The following GAS2 variants were observed in gnomAD, a reference collection of about 807,000 sequenced individuals.
The protein encoded by GAS2 is growth arrest-specific protein 2.
GAS2 carries 20 observed loss-of-function variants against 37.5 expected under a neutral mutation model. The ratio of observed to expected loss-of-function variants is 0.53; its 90% CI spans 0.37 to 0.77. The LOEUF is 0.77. Ranked by LOEUF, GAS2 falls within the 30% of genes least tolerant of loss-of-function variation. The probability of loss-of-function intolerance (pLI) is 0.00; values close to 1 mark genes in which losing one functional copy is unlikely to be tolerated. For synonymous variants in GAS2, 144 were observed against 132.2 expected (o/e 1.09, Z -0.61); for missense variants, 336 against 373.4 (o/e 0.90, Z 0.82).
At chr11:22,640,206 T>A (rs1858892510) in intron 1 of GAS2, among the ~76,000 whole-genome samples, 1 of 152,134 alleles carries the variant, frequency 6.6e-6, no homozygotes, top group African/African-American at 2.4e-5. Flanking sequence ...GAGATGTGTC[T>A]TTTTAGTTGC....
intron 7 of GAS2, among the ~76,000 whole-genome samples, chr11:22,772,291 A>G (rs1376005905): frequency 6.6e-6 from 1 of 152,090 alleles, no homozygotes; most frequent in East Asian, 1.9e-4. Context: ...TTCCCCTTTC[A>G]CTATCCAGGT....
At chr11:22,788,737 A>G (rs1402809080) in intron 7 of GAS2, among the ~76,000 whole-genome samples, 1 of 152,166 alleles carries the variant, frequency 6.6e-6, no homozygotes, top group Non-Finnish European at 1.5e-5. Context: ...ACATCGTATA[A>G]TAGTCAGTAG....
chr11:22,725,878 A>G (rs1852181717), intron 3 of GAS2, among the ~76,000 whole-genome samples: 2 of 152,150 alleles, frequency 1.3e-5, no homozygotes, highest in Admixed American at 1.3e-4. Context: ...GCAGGTGTAT[A>G]TATGTTATAT....
At chr11:22,649,652 G>A (rs185221933) in intron 1 of GAS2, among the ~76,000 whole-genome samples, 51 of 152,266 alleles carry the variant, frequency 3.3e-4, no homozygotes, top group Admixed American at 8.5e-4. Context: ...TTGGGAGAGC[G>A]TATGTGTCGA....
intron 3 of GAS2, among the ~76,000 whole-genome samples, chr11:22,711,456 G>A (rs776573907): frequency 2.0e-5 from 3 of 152,146 alleles, no homozygotes; most frequent in Non-Finnish European, 4.4e-5. Context: ...TAATAATTTC[G>A]ACTGAGCACA....
chr11:22,798,031 G>C (rs1856509181), intron 7 of GAS2, among the ~76,000 whole-genome samples: 3 of 152,054 alleles, frequency 2.0e-5, no homozygotes, highest in Non-Finnish European at 4.4e-5. Flanking sequence ...GTGGTAATGA[G>C]TATTATCTGA....
chr11:22,691,679 T>A (rs1426405307), intron 3 of GAS2, among the ~76,000 whole-genome samples: 1 of 152,196 alleles, frequency 6.6e-6, no homozygotes, highest in Non-Finnish European at 1.5e-5. Flanking sequence ...AGTGGCATGA[T>A]GTAGAAAGAA....
intron 3 of GAS2, among the ~76,000 whole-genome samples, chr11:22,709,427 C>T (rs1244450543): frequency 1.3e-5 from 2 of 151,992 alleles, no homozygotes; most frequent in African/African-American, 2.4e-5. Flanking sequence ...TGAAGATAAG[C>T]TATTATCTAG....
chr11:22,682,481 A>G (rs1849727515), intron 2 of GAS2, among the ~76,000 whole-genome samples: 1 of 152,194 alleles, frequency 6.6e-6, no homozygotes. Context: ...TTTAGAGTAA[A>G]GTTTATCTTC....
At chr11:22,779,811 T>C (rs1309121806) in intron 7 of GAS2, among the ~76,000 whole-genome samples, 1 of 152,142 alleles carries the variant, frequency 6.6e-6, no homozygotes, top group Non-Finnish European at 1.5e-5. Flanking sequence ...TCATTTTAAT[T>C]TTTTTTAGTG....
chr11:22,715,737 A>G (rs185978705), intron 3 of GAS2, among the ~76,000 whole-genome samples: 178 of 152,162 alleles, frequency 1.2e-3, no homozygotes, highest in Admixed American at 2.4e-3. Context: ...GTTCAGGACC[A>G]GGAAGATTTG....
intron 3 of GAS2, among the ~76,000 whole-genome samples, chr11:22,700,352 T>G (rs1382183825): frequency 6.6e-6 from 1 of 152,178 alleles, no homozygotes; most frequent in East Asian, 1.9e-4. Flanking sequence ...TTTATTCTCA[T>G]TAAGTTTGAA....
At chr11:22,788,322 T>C (rs1161775690) in intron 7 of GAS2, among the ~76,000 whole-genome samples, 1 of 152,232 alleles carries the variant, frequency 6.6e-6, no homozygotes, top group Non-Finnish European at 1.5e-5. Flanking sequence ...GACTTCTTCA[T>C]ATGAACAATC....
At chr11:22,792,902 A>G (rs985748663) in intron 7 of GAS2, among the ~76,000 whole-genome samples, 5 of 152,236 alleles carry the variant, frequency 3.3e-5, no homozygotes, top group African/African-American at 1.2e-4. Flanking sequence ...GTAAAGGAAG[A>G]CTTTGGAATT....
At chr11:22,633,855 C>G (rs537879031) in intron 1 of GAS2, among the ~76,000 whole-genome samples, 2 of 152,296 alleles carry the variant, frequency 1.3e-5, no homozygotes, top group South Asian at 4.1e-4. Context: ...GACTATGACT[C>G]TATCCCTCAT....
At chr11:22,782,752 A>AATG (rs1855616985) in intron 7 of GAS2, among the ~76,000 whole-genome samples, 1 of 144,714 alleles carries the variant, frequency 6.9e-6, no homozygotes, top group African/African-American at 2.5e-5. Flanking sequence ...TAATAATAAT[A>AATG]ATGTGATTTT....
At chr11:22,767,719 T>A (rs1215372426) in intron 7 of GAS2, among the ~76,000 whole-genome samples, 1 of 152,222 alleles carries the variant, frequency 6.6e-6, no homozygotes, top group Admixed American at 6.5e-5. Context: ...AGGATGTAGC[T>A]GGATTCAGTA....
chr11:22,685,627 AT>A lies in GAS2; in HGVS notation c.146-38del, dbSNP rs756134637. 4 of 1,596,364 alleles carry A rather than the reference AT, an allele frequency of 2.5e-6. No individual in the cohort carries two copies. The African/African-American group carries it at 5.4e-5, about 21-fold the overall frequency. ...ATATTTTATTTAGTGTGAATCTGAC[AT>A]TTGATTTTCCTTTTATAATGCTTCT... is the stretch of plus-strand genomic sequence containing the variant. On this transcript the variant is annotated intron_variant, in intron 2 of 7. Transcript: ENST00000454584.
chr11:22,633,093 G>A (rs973667060), intron 1 of GAS2, among the ~76,000 whole-genome samples: 1 of 152,120 alleles, frequency 6.6e-6, no homozygotes, highest in Non-Finnish European at 1.5e-5. Flanking sequence ...TCCATCGCTG[G>A]AGAGTCAGTG....
Sources: allele counts gnomAD v4.1 joint callset (sites outside exome capture counted in the v4.1 genomes callset), GRCh38; gene constraint gnomAD v4.1.1; transcripts MANE v1.5; gene names NCBI Gene and HGNC (gene_info 2026-07-23, HGNC 2026-07-21).